The following SLC12A9 variants were observed in gnomAD, a reference collection of about 807,000 sequenced individuals.
SLC12A9 encodes CCC-interacting protein 1.
A neutral mutation model predicts 66.0 loss-of-function variants in SLC12A9; 55 were observed. The observed-to-expected ratio is 0.83, with a 90% CI of 0.67 to 1.04. The LOEUF (loss-of-function observed/expected upper bound fraction) is 1.04. Ranked by LOEUF, SLC12A9 falls within the 50% of genes least tolerant of loss-of-function variation. The pLI is 0.00. For synonymous variants in SLC12A9, 577 were observed against 569.0 expected (o/e 1.01, Z -0.20); for missense variants, 1,061 against 1,241.9 (o/e 0.85, Z 2.19).
Position 100,861,030 on chromosome 7 carries a change from G to A in SLC12A9, c.1219-108G>A, listed in dbSNP as rs373092489. On this transcript the variant is annotated intron_variant, in intron 9 of 13. Transcript: ENST00000354161. The surrounding 1 kb of genome is among the most constrained non-coding windows in gnomAD (Gnocchi z 5.3). ...TTTGCAGGGTTCACTGGCACTTTCTGGGGCTCATTGACACTTTGGGGTACA... is the reference window on the plus strand; with the variant it reads ...TTTGCAGGGTTCACTGGCACTTTCTAGGGCTCATTGACACTTTGGGGTACA... 7.6e-6 allele frequency: 12 copies of A among 1,582,264 alleles called. No homozygotes were observed. In the African/African-American group the frequency reaches 1.2e-4, roughly 16 times the overall value.
At position 100,862,673 on chromosome 7, in the gene SLC12A9, C is replaced by T; in HGVS notation, c.1712-8C>T. On this transcript the variant is annotated splice_polypyrimidine_tract_variant and splice_region_variant and intron_variant, in intron 12 of 13. Transcript: ENST00000354161. ...CTGGCTACCTTCCTTTCCTTATCTT[C>T]TCTGTAGACTCCCTGCCCTCGGACC... The T allele has an allele frequency of 6.2e-7, 1 of 1,614,048 alleles. No homozygotes were observed. Among genetic ancestry groups the T allele is most frequent in the Non-Finnish European group, 8.5e-7 (1 of 1,179,914 alleles).
rs1814354718 is a variant in SLC12A9, at chr7:100,855,791, C to G, written c.402C>G (p.Val134=). ...TGGCTAACGTCTGTGGCTGTGCCGTCTCCCTCCTGGGGCTGGTGGAGTCTG... is the reference window on the plus strand; with the variant it reads ...TGGCTAACGTCTGTGGCTGTGCCGTGTCCCTCCTGGGGCTGGTGGAGTCTG... ...FYLANVCGCA[V]SLLGLVESVL... is the part of the protein sequence containing the mutation. Residue 134 remains valine (V), a synonymous_variant, in exon 4 of 14, where the codon GTC becomes GTG. Transcript: ENST00000354161. The G allele has an allele frequency of 1.2e-6, 2 of 1,613,662 alleles. No homozygotes were observed. Among genetic ancestry groups the G allele is most frequent in the South Asian group, 1.1e-5 (1 of 91,036 alleles).
chr7:100,854,060 G>A (rs985878199), intron 1 of SLC12A9, 96 bp from the exon 2 acceptor site: 2 of 772,070 alleles, frequency 2.6e-6, no homozygotes, highest in African/African-American at 3.7e-5. Flanking sequence ...GAGCAGCTCT[G>A]TCTTTTGGGG....
chr7:100,830,524 G>C (rs75396074), intron 1 of SLC12A9, among the ~76,000 whole-genome samples: 2,603 of 151,522 alleles, frequency 0.017, 83 homozygotes, highest in African/African-American at 0.06. Flanking sequence ...AAGAAAGAAA[G>C]AAAGAGAGAA....
chr7:100,851,814 T>G (rs1584688708), upstream of SLC12A9, among the ~76,000 whole-genome samples: 1 of 132,086 alleles, frequency 7.6e-6, no homozygotes, highest in African/African-American at 2.7e-5. Context: ...AAAGGAAATG[T>G]ATCTGAAACT....
At chr7:100,837,851 ATTTTTTTTTTTT>A (rs11285489) in intron 1 of SLC12A9, among the ~76,000 whole-genome samples, 2 of 79,654 alleles carry the variant, frequency 2.5e-5, no homozygotes, top group Admixed American at 1.5e-4. Context: ...ATTTATTTCA[ATTTTTTTTTTTT>A]TTTTTTTTTT....
intron 1 of SLC12A9, among the ~76,000 whole-genome samples, chr7:100,839,956 A>G (rs1332772658): frequency 6.6e-6 from 1 of 152,120 alleles, no homozygotes; most frequent in East Asian, 1.9e-4. Flanking sequence ...TCTCAAAAAA[A>G]AAAAAAAAAG....
rs749248602 is a variant in SLC12A9, at chr7:100,861,947, C to A, written c.1711+36C>A. ...CTCCCACTCACTCACTCACTCCCAT[C>A]CTTCTCTCCCCCTACCTTTTTTTTT... is the stretch of plus-strand genomic sequence containing the variant. On this transcript the variant is annotated intron_variant, in intron 12 of 13. Transcript: ENST00000354161. This position sits in a 1 kb window ranked among gnomAD's most constrained non-coding sequence, Gnocchi z 5.3. The A allele has an allele frequency of 4.0e-6, 6 of 1,515,620 alleles. No individual in the cohort carries two copies. The highest frequency in any genetic ancestry group is 4.4e-6 in the Non-Finnish European group (5 of 1,133,378). The allele number at this position is 1,515,620 out of a possible 1,614,324, so 93.9% of individuals were successfully genotyped here.
chr7:100,858,111 C>T (rs314372), intron 5 of SLC12A9: 62,191 of 151,234 alleles, frequency 0.41, 14,975 homozygotes, highest in East Asian at 0.8. Context: ...AACGAGACTC[C>T]GTCTCAAAAA....
chr7:100,847,068 C>A (rs1386282465), intron 1 of SLC12A9, among the ~76,000 whole-genome samples: 1 of 152,162 alleles, frequency 6.6e-6, no homozygotes, highest in Non-Finnish European at 1.5e-5. Context: ...ACAGGAATTG[C>A]TCACTCGAGG....
At chr7:100,856,132 G>T in intron 4 of SLC12A9, 1 of 237,022 alleles carries the variant, frequency 4.2e-6, no homozygotes, top group Non-Finnish European at 8.1e-6. Context: ...AAGTGGGGAA[G>T]GTGGACTCTC....
At chr7:100,828,100 G>A (rs1163317926) in intron 1 of SLC12A9, among the ~76,000 whole-genome samples, 60 of 152,224 alleles carry the variant, frequency 3.9e-4, no homozygotes, top group Non-Finnish European at 2.4e-4. Flanking sequence ...GGATAGCCTT[G>A]CAGCGAACGT....
In SLC12A9 at chr7:100,860,352, A is replaced by C. The variant is rs566318733; in HGVS notation, c.1218+120A>C. ...CAAATGCGTATGCACTTGGGGTTGC[A>C]CTGGCACTCTGCAGGGTTCACTGGC... On this transcript the variant is annotated intron_variant, in intron 9 of 13. Transcript: ENST00000354161. The C allele has an allele frequency of 2.5e-5, 25 of 1,015,804 alleles. No homozygotes were observed. In the African/African-American group the frequency reaches 4.1e-4, roughly 16 times the overall value. 62.9% of individuals were successfully genotyped at this position (1,015,804 alleles called of 1,614,324 possible). A position where few individuals can be genotyped will look rare whatever the true frequency, so the allele number is the denominator to read the frequency against.
chr7:100,838,469 G>A (rs1054555056), intron 1 of SLC12A9, among the ~76,000 whole-genome samples: 6 of 152,172 alleles, frequency 3.9e-5, no homozygotes, highest in East Asian at 1.9e-4. Flanking sequence ...ACAGGCATGG[G>A]CCACCATGCC....
intron 13 of SLC12A9, 73 bp downstream of exon 13, chr7:100,862,900 A>G: frequency 6.3e-7 from 1 of 1,580,898 alleles, no homozygotes; most frequent in East Asian, 2.2e-5. Context: ...CCTCCCCTAG[A>G]GAGTCAGCCA....
At chr7:100,848,083 CAAAAAA>C (rs36071720), upstream of SLC12A9, among the ~76,000 whole-genome samples, 1 of 43,922 alleles carries the variant, frequency 2.3e-5, no homozygotes, top group Non-Finnish European at 5.7e-5. Flanking sequence ...GACTCCATCT[CAAAAAA>C]AAAAAAAAAA....
At position 100,854,261 on chromosome 7, in the gene SLC12A9, C is replaced by T. The variant is rs1250671270; in HGVS notation, c.64C>T (p.Pro22Ser). 2 of 1,581,864 alleles carry T rather than the reference C, an allele frequency of 1.3e-6. No homozygotes were observed. The highest frequency in any genetic ancestry group is 2.8e-5 in the African/African-American group (2 of 72,704). ...CCTGGGGGAGGAGGGGGTTGCCCTC[C>T]CTGCCAATGGGGCCGGGGGTCCTGG... The part of the protein sequence containing the change: ...RLLGEEGVAL[P>S]ANGAGGPGGA... Residue 22 changes from proline to serine, a missense_variant, in exon 2 of 14, where the codon CCT (proline) becomes TCT (serine). Coordinates refer to ENST00000354161, the MANE Select transcript of SLC12A9 (RefSeq NM_020246.4).
Position 100,854,634 on chromosome 7 carries a change from C to T in SLC12A9, c.196C>T (p.His66Tyr), listed in dbSNP as rs897855807. 2 of 1,613,974 alleles carry T rather than the reference C, an allele frequency of 1.2e-6. No homozygotes were observed. Among genetic ancestry groups the T allele is most frequent in the South Asian group, 1.1e-5 (1 of 91,070 alleles). ...VFLRIGFVVG[H>Y]AGLLQALAML... ...TCCTGCCTCAGGGTTCGTGGTGGGTCATGCTGGGCTACTGCAGGCCCTGGC... is the reference window on the plus strand; with the variant it reads ...TCCTGCCTCAGGGTTCGTGGTGGGTTATGCTGGGCTACTGCAGGCCCTGGC... The change falls in exon 3 of 14, where the codon CAT (histidine) becomes TAT (tyrosine). Residue 66 changes from histidine (H) to tyrosine (Y), a missense_variant. Transcript: ENST00000354161.
rs748232196 is a variant in SLC12A9 at position 100,865,775 on chromosome 7, G to T, written c.1915G>T (p.Asp639Tyr). 1.2e-6 allele frequency: 2 copies of T among 1,613,892 alleles called. No individual in the cohort carries two copies. Among genetic ancestry groups the T allele is most frequent in the East Asian group, 4.5e-5 (2 of 44,874 alleles). The change falls in exon 14 of 14, where the codon GAC (aspartate) becomes TAC (tyrosine). Residue 639 changes from aspartate (D) to tyrosine (Y), a missense_variant. Physicochemically the swap from Asp to Tyr is radical, Grantham distance 160 (BLOSUM62 -3). Transcript: ENST00000354161. ...TTTCTACGATGACGCTCCACCGCAG[G>T]ACCATTTCCTGACGGACCCGGCTTT... ...LGFYDDAPPQ[D>Y]HFLTDPAFSE...
Sources: gnomAD v4.1 joint callset for allele counts (sites outside exome capture counted in the v4.1 genomes callset) on GRCh38, gnomAD v4.1.1 for gene constraint, Gnocchi (gnomAD v3.1) non-coding constraint, MANE v1.5 for transcripts, NCBI Gene and HGNC (gene_info 2026-07-23, HGNC 2026-07-21) for gene names.